ABCA13: variants seen among roughly 807,000 people sequenced by gnomAD.
ABCA13 encodes ATP binding cassette subfamily A member 13.
In ABCA13, 476 loss-of-function variants were observed where a neutral mutation model predicts 478.7. The observed-to-expected ratio is 0.99, with a 90% CI of 0.92 to 1.07. The LOEUF (loss-of-function observed/expected upper bound fraction) is 1.07, where lower values mean the gene tolerates loss of function less well. ABCA13 is among the 50% of genes least tolerant of loss of function. The probability of loss-of-function intolerance (pLI) is 0.00; values close to 1 mark genes in which losing one functional copy is unlikely to be tolerated. For missense variants in ABCA13, 6,060 were observed against 5,910.6 expected (o/e 1.03, Z -0.83); for synonymous variants, 2,252 against 2,158.9 (o/e 1.04, Z -1.20).
In ABCA13 at chr7:48,367,869, C is replaced by A; in HGVS notation, c.10764C>A (p.Val3588=). 1.3e-6 allele frequency: 2 copies of A among 1,581,624 alleles called. No homozygotes were observed. The highest frequency in any genetic ancestry group is 2.3e-5 in the South Asian group (2 of 86,042). The change falls in exon 32 of 62, where the codon GTC becomes GTA. Residue 3588 remains valine, a synonymous_variant. Transcript: ENST00000435803. ...LTWMVSVASM[V]RKLVYEQEIQ... ...GGATGGTGTCTGTGGCCAGCATGGTCAGAAAGTTGGTGTATGAGCAGGAGA... is the reference window on the plus strand; with the variant it reads ...GGATGGTGTCTGTGGCCAGCATGGTAAGAAAGTTGGTGTATGAGCAGGAGA...
intron 23 of ABCA13, among the ~76,000 whole-genome samples, chr7:48,299,423 A>G (rs1165587410): frequency 6.6e-6 from 1 of 152,216 alleles, no homozygotes; most frequent in Non-Finnish European, 1.5e-5. Context: ...TACTTATAAT[A>G]AGGCACTTAG....
At chr7:48,505,291 G>A (rs1478779199) in intron 48 of ABCA13, among the ~76,000 whole-genome samples, 4 of 152,130 alleles carry the variant, frequency 2.6e-5, no homozygotes, top group South Asian at 2.1e-4. Context: ...ATGCCTGGTC[G>A]CAAAGCTGTT....
In ABCA13 at chr7:48,279,455, A is replaced by T; in HGVS notation, c.8261A>T (p.Asn2754Ile). ...EALWKNLKKDNWNVSNVLMTF... is the reference protein window; with the variant it reads ...EALWKNLKKDIWNVSNVLMTF... ...CTTTGGAAAAACTTAAAGAAAGATA[A>T]TTGGAATGTTTCTAATGTGTTGATG... Residue 2754 changes from asparagine (N) to isoleucine (I), a missense_variant, in exon 18 of 62, where the codon AAT becomes ATT. Around this residue, in one of 3 missense-constraint regions of ABCA13, gnomAD observed 4,423 missense variants for 4,309.1 expected, o/e 1.03. Transcript: ENST00000435803. The T allele has an allele frequency of 6.2e-7, 1 of 1,609,266 alleles. No homozygotes were observed. Among genetic ancestry groups the T allele is most frequent in the Non-Finnish European group, 8.5e-7 (1 of 1,177,142 alleles).
Position 48,403,812 on chromosome 7 carries a change from G to C in ABCA13, c.12003G>C (p.Glu4001Asp). The change falls in exon 39 of 62, where the codon GAG becomes GAC. Residue 4001 changes from glutamate (E) to aspartate (D), a missense_variant. Glu to Asp is a conservative substitution (Grantham distance 45). Around this residue, in one of 3 missense-constraint regions of ABCA13, gnomAD observed 1,627 missense variants for 1,571.0 expected, o/e 1.04. Transcript: ENST00000435803. ...TGTCGAGGACCGTGGTTCTGGATGA[G>C]CCCACCAGTGGGGTGGACCCTTGCT... ...MGMSRTVVLD[E>D]PTSGVDPCSR... 1 of 1,613,880 alleles carries C rather than the reference G, an allele frequency of 6.2e-7. No individual in the cohort carries two copies. Among genetic ancestry groups the C allele is most frequent in the Non-Finnish European group, 8.5e-7 (1 of 1,179,836 alleles).
In ABCA13 at chr7:48,361,711, T is replaced by C. The variant is rs760129596; in HGVS notation, c.10689-6083T>C. ...CTTTCAACTCCTACCTTATATCCCA[T>C]AGATCTCATATGTAGCTAACAATTT... On this transcript the variant is annotated intron_variant, in intron 31 of 61. Coordinates refer to ENST00000435803, the MANE Select transcript of ABCA13 (RefSeq NM_152701.5). Among the ~76,000 whole-genome samples the C allele has an allele frequency of 5.3e-5, 8 of 151,884 alleles. No individual in the cohort carries two copies. The South Asian group carries it at 1.7e-3, about 31-fold the overall frequency.
intron 3 of ABCA13, among the ~76,000 whole-genome samples, chr7:48,215,903 GT>G (rs1423240273): frequency 2.0e-5 from 3 of 152,094 alleles, no homozygotes; most frequent in African/African-American, 7.2e-5. Flanking sequence ...TTAGCACGAT[GT>G]TTTTAAGGTT....
rs1339495195 is a variant in ABCA13, at chr7:48,361,189, A to G, written c.10689-6605A>G. 2.0e-5 allele frequency among the ~76,000 whole-genome samples: 3 copies of G among 151,908 alleles called. No individual in the cohort carries two copies. In the South Asian group the frequency reaches 6.2e-4, roughly 32 times the overall value. ...GGAGACTGCAAGGGACGAGAATCAC[A>G]GCACCTCTTTAAAACTTGGTACTCA... is the stretch of plus-strand genomic sequence containing the variant. On this transcript the variant is annotated intron_variant, in intron 31 of 61. Transcript: ENST00000435803.
intron 42 of ABCA13, among the ~76,000 whole-genome samples, chr7:48,444,006 G>A (rs1313392869): frequency 6.6e-6 from 1 of 151,886 alleles, no homozygotes; most frequent in East Asian, 1.9e-4. Context: ...TCCTGTTACA[G>A]GAGGAAACAT....
chr7:48,326,023 A>T (rs1470764210), intron 27 of ABCA13, among the ~76,000 whole-genome samples: 2 of 152,236 alleles, frequency 1.3e-5, no homozygotes, highest in African/African-American at 4.8e-5. Context: ...CTAGGTGGAC[A>T]TGCCACACCT....
At chr7:48,564,384 A>C (rs1786807483) in intron 55 of ABCA13, among the ~76,000 whole-genome samples, 1 of 152,054 alleles carries the variant, frequency 6.6e-6, no homozygotes, top group Non-Finnish European at 1.5e-5. Flanking sequence ...TCAACAGCTT[A>C]TTAACAAAAA....
intron 58 of ABCA13, among the ~76,000 whole-genome samples, chr7:48,614,994 C>T (rs1470374039): frequency 6.7e-6 from 1 of 149,400 alleles, no homozygotes; most frequent in Non-Finnish European, 1.5e-5. Flanking sequence ...ATGTAACAAA[C>T]CTGCACATTG....
intron 56 of ABCA13, among the ~76,000 whole-genome samples, chr7:48,583,008 A>C (rs376120566): frequency 3.3e-5 from 5 of 152,204 alleles, no homozygotes; most frequent in African/African-American, 9.7e-5. Context: ...AGAGTTCATC[A>C]TGCTAGGTAG....
chr7:48,391,925 A>G lies in ABCA13; in HGVS notation c.11659A>G (p.Met3887Val). 1 of 1,613,756 alleles carries G rather than the reference A, an allele frequency of 6.2e-7. No homozygotes were observed. The highest frequency in any genetic ancestry group is 8.5e-7 in the Non-Finnish European group (1 of 1,179,764). The change falls in exon 38 of 62, where the codon ATG becomes GTG. Residue 3887 changes from methionine to valine, a missense_variant. Met to Val is a conservative substitution (Grantham distance 21, BLOSUM62 1). Transcript: ENST00000435803. ...NGAGKTTIISMLTGLHPPTSG... is the reference protein window; with the variant it reads ...NGAGKTTIISVLTGLHPPTSG... Reference sequence around the variant, plus strand: ...CTGTCTTATTTTCTCTGGCAGATCCATGTTGACGGGGCTCCACCCTCCCAC... The same window carrying G: ...CTGTCTTATTTTCTCTGGCAGATCCGTGTTGACGGGGCTCCACCCTCCCAC...
At chr7:48,434,721 G>A (rs750075716) in intron 42 of ABCA13, among the ~76,000 whole-genome samples, 22 of 151,810 alleles carry the variant, frequency 1.4e-4, no homozygotes, top group Admixed American at 8.5e-4. Flanking sequence ...TTATTCTCTT[G>A]CATATGGATA....
At chr7:48,174,785 C>A (rs1211135509) in intron 1 of ABCA13, among the ~76,000 whole-genome samples, 2 of 152,064 alleles carry the variant, frequency 1.3e-5, no homozygotes, top group African/African-American at 2.4e-5. Context: ...TTTTTTCCCA[C>A]TTTATATTGA....
At chr7:48,470,048 T>C (rs548361228) in intron 44 of ABCA13, among the ~76,000 whole-genome samples, 2 of 152,352 alleles carry the variant, frequency 1.3e-5, no homozygotes, top group African/African-American at 4.8e-5. Context: ...TCTCTGCAGC[T>C]GTGTCCTGTA....
intron 3 of ABCA13, among the ~76,000 whole-genome samples, chr7:48,203,361 C>A (rs1314484512): frequency 1.3e-5 from 2 of 152,354 alleles, no homozygotes; most frequent in South Asian, 4.1e-4. Flanking sequence ...AAAGGGACTC[C>A]CACAGTGCAG....
At position 48,459,450 on chromosome 7, in the gene ABCA13, C is replaced by A. The variant is rs575532232; in HGVS notation, c.12815+4164C>A. On this transcript the variant is annotated intron_variant, in intron 43 of 61. Coordinates refer to ENST00000435803, the MANE Select transcript of ABCA13 (RefSeq NM_152701.5). ...AAGGAAATGGAAACTACCTTCCTCT[C>A]CTCAGTCCTCTGCCACTCCCACTCT... 1.3e-3 allele frequency among the ~76,000 whole-genome samples: 201 copies of A among 152,300 alleles called. 1 individual carries two copies. The highest frequency in any genetic ancestry group is 6.8e-3 in the Middle Eastern group (2 of 294).
At chr7:48,233,786 T>A (rs1220405792) in intron 7 of ABCA13, among the ~76,000 whole-genome samples, 1 of 152,224 alleles carries the variant, frequency 6.6e-6, no homozygotes, top group Non-Finnish European at 1.5e-5. Context: ...TTTAAAATTA[T>A]CTTCTGGAAA....
Sources: allele counts gnomAD v4.1 joint callset (sites outside exome capture counted in the v4.1 genomes callset), GRCh38; gene constraint gnomAD v4.1.1; regional missense constraint gnomAD v4.1.1; transcripts MANE v1.5; gene names NCBI Gene and HGNC (gene_info 2026-07-23, HGNC 2026-07-21).